The following CFAP47 variants were observed in gnomAD, a reference collection of about 807,000 sequenced individuals.
The protein encoded by CFAP47 is cilia and flagella associated protein 47, also known as cilia- and flagella-associated protein 47.
A neutral mutation model predicts 148.1 loss-of-function variants in CFAP47; 29 were observed. The observed-to-expected ratio is 0.20, with a 90% confidence interval of 0.15 to 0.27. The LOEUF is 0.27. CFAP47 is among the 10% of genes least tolerant of loss of function. The pLI, the probability that CFAP47 is intolerant of heterozygous loss-of-function variation, is 1.00. For missense variants in CFAP47, 1,872 were observed against 1,697.5 expected, an observed-to-expected ratio of 1.10 and a Z score of -1.81; for synonymous variants, 664 against 577.3, an observed-to-expected ratio of 1.15 and a Z score of -2.15.
intron 22 of CFAP47, among the ~76,000 whole-genome samples, chrX:36,028,230 G>T (rs1327315234): frequency 9.0e-6 from 1 of 111,029 alleles, no homozygotes; most frequent in Non-Finnish European, 1.9e-5. Flanking sequence ...CTTTGCCTGG[G>T]TCCATGTCTG....
chrX:36,080,117 A>G (rs1247196390), intron 29 of CFAP47, among the ~76,000 whole-genome samples: 1 of 111,900 alleles, frequency 8.9e-6, no homozygotes, highest in Non-Finnish European at 1.9e-5. Context: ...AAAAGTGGGC[A>G]AAGGATATGA....
At chrX:35,986,467 T>C (rs938242907) in intron 15 of CFAP47, among the ~76,000 whole-genome samples, 32 of 109,077 alleles carry the variant, frequency 2.9e-4, no homozygotes, top group African/African-American at 1.1e-3. Flanking sequence ...AGGTCATTTA[T>C]GTTCTTCTCT....
chrX:36,050,679 C>G (rs1054322463), intron 26 of CFAP47, among the ~76,000 whole-genome samples: 1 of 112,278 alleles, frequency 8.9e-6, no homozygotes, highest in East Asian at 2.8e-4. Flanking sequence ...TGGAGAAGTT[C>G]AAGTCAGCAG....
At chrX:36,376,778 C>T (rs1387027501) in intron 62 of CFAP47, among the ~76,000 whole-genome samples, 1 of 86,939 alleles carries the variant, frequency 1.2e-5, no homozygotes, top group South Asian at 8.5e-4. Context: ...TCCCCCCTCC[C>T]CCCACCCCAT....
At chrX:36,283,872 C>T (rs1941105224) in intron 50 of CFAP47, among the ~76,000 whole-genome samples, 2 of 111,703 alleles carry the variant, frequency 1.8e-5, no homozygotes, top group South Asian at 7.4e-4. Flanking sequence ...GATTTGAACC[C>T]TGGCCTTATA....
At position 36,162,647 on chromosome X, in the gene CFAP47, A is replaced by G. The variant is rs1939444635; in HGVS notation, c.6026+1878A>G. 2.7e-5 allele frequency among the ~76,000 whole-genome samples: 3 copies of G among 111,874 alleles called. No homozygotes were observed. In the South Asian group the frequency reaches 1.1e-3, roughly 41 times the overall value. ...TCACATTACTTTGAACAAATAAGGC[A>G]ATCCAGTCTATATTTAACAGAGATA... On this transcript the variant is annotated intron_variant, in intron 39 of 63. Coordinates refer to ENST00000378653, the MANE Select transcript of CFAP47 (RefSeq NM_001304548.2).
chrX:36,163,513 A>T (rs1602020610), intron 39 of CFAP47, among the ~76,000 whole-genome samples: 1 of 109,065 alleles, frequency 9.2e-6, no homozygotes, highest in South Asian at 4.0e-4. Context: ...ATTTTTTTTC[A>T]TATAGGCATT....
chrX:36,211,042 C>G lies in CFAP47; in HGVS notation c.6817+5932C>G. 3 of 153,163 alleles carry G rather than the reference C, an allele frequency of 2.0e-5. No homozygotes were observed. The East Asian group carries it at 6.0e-4, about 31-fold the overall frequency. The allele number at this position is 153,163 out of a possible 1,213,427, so 12.6% of individuals were successfully genotyped here. ...TGCAGTACATTGATCTCCATAGAGACAGTGCCAGGGCAGGTGAGAGCCAGA... is the reference window on the plus strand; with the variant it reads ...TGCAGTACATTGATCTCCATAGAGAGAGTGCCAGGGCAGGTGAGAGCCAGA... On this transcript the variant is annotated intron_variant, in intron 45 of 63. Transcript: ENST00000378653.
chrX:36,068,983 T>G (rs1480175479), intron 27 of CFAP47, among the ~76,000 whole-genome samples: 1 of 109,540 alleles, frequency 9.1e-6, no homozygotes, highest in African/African-American at 3.3e-5. Context: ...AAAAAAGATT[T>G]TTTTGACGAA....
At chrX:36,360,480 A>G (rs1556019078) in intron 60 of CFAP47, among the ~76,000 whole-genome samples, 1 of 111,363 alleles carries the variant, frequency 9.0e-6, no homozygotes, top group African/African-American at 3.3e-5. Flanking sequence ...TCCCTTTGCT[A>G]TTCCCTTCCC....
At chrX:36,265,413 T>C (rs1306287442) in intron 49 of CFAP47, among the ~76,000 whole-genome samples, 1 of 111,952 alleles carries the variant, frequency 8.9e-6, no homozygotes, top group Non-Finnish European at 1.9e-5. Flanking sequence ...TCTTGTTTGA[T>C]TGCTCTGGCT....
chrX:36,166,831 A>C (rs1204417808), intron 39 of CFAP47, among the ~76,000 whole-genome samples: 1 of 111,424 alleles, frequency 9.0e-6, no homozygotes, highest in Non-Finnish European at 1.9e-5. Flanking sequence ...ACCTACACAC[A>C]CATAGTGTTA....
At chrX:36,366,794 T>C (rs1941881419) in intron 61 of CFAP47, among the ~76,000 whole-genome samples, 172 bp from the exon 62 acceptor site, 1 of 112,076 alleles carries the variant, frequency 8.9e-6, no homozygotes, top group African/African-American at 3.2e-5. Flanking sequence ...TCAAAAATTA[T>C]TTATGAAATG....
chrX:36,067,999 A>G (rs1465659919), intron 27 of CFAP47, among the ~76,000 whole-genome samples: 1 of 111,939 alleles, frequency 8.9e-6, no homozygotes, highest in Non-Finnish European at 1.9e-5. Flanking sequence ...ATTCCCAGGT[A>G]TAAAATCTTT....
intron 10 of CFAP47, among the ~76,000 whole-genome samples, chrX:35,968,694 A>G (rs1393170844): frequency 1.8e-5 from 2 of 111,103 alleles, no homozygotes; most frequent in Non-Finnish European, 3.8e-5. Context: ...TGTCTATGAT[A>G]GGAAAAGTCC....
chrX:36,230,222 C>T (rs1379540519), intron 46 of CFAP47, among the ~76,000 whole-genome samples: 1 of 100,864 alleles, frequency 9.9e-6, no homozygotes, highest in East Asian at 3.2e-4. Flanking sequence ...TTTACAGTCC[C>T]ACCAACAGTG....
intron 35 of CFAP47, among the ~76,000 whole-genome samples, chrX:36,143,619 T>C (rs1939181320): frequency 9.0e-6 from 1 of 111,443 alleles, no homozygotes; most frequent in African/African-American, 3.3e-5. Flanking sequence ...CCAACCCCAA[T>C]ACTTTTGTGC....
In CFAP47 at chrX:36,085,512, A is replaced by G. The variant is rs778363880; in HGVS notation, c.4890A>G (p.Gln1630=). 8 of 1,191,124 alleles carry G rather than the reference A, an allele frequency of 6.7e-6. No homozygotes were observed. In the East Asian group the frequency reaches 2.1e-4, roughly 31 times the overall value. ...HEKRVIQLHL[Q]HSSLLDFLNA... ...AAAGGGTAATTCAACTCCATTTGCA[A>G]CATTCCTCACTTCTGGACTTTCTCA... Residue 1630 remains glutamine (Q), a synonymous_variant, in exon 30 of 64, where the codon CAA becomes CAG. Transcript: ENST00000378653.
At chrX:35,955,929 T>C in intron 7 of CFAP47, 32 bp from the exon 8 acceptor site, 1 of 1,201,188 alleles carries the variant, frequency 8.3e-7, no homozygotes, top group Non-Finnish European at 1.1e-6. Context: ...CCAAACACTT[T>C]TTATGTTCAA....
Sources: allele counts gnomAD v4.1 joint callset (sites outside exome capture counted in the v4.1 genomes callset), GRCh38; gene constraint gnomAD v4.1.1; transcripts MANE v1.5; gene names NCBI Gene and HGNC (gene_info 2026-07-23, HGNC 2026-07-21).